NOM1: variants seen among roughly 807,000 people sequenced by gnomAD.
The protein encoded by NOM1 is nucleolar protein with MIF4G domain 1.
In NOM1, 58 loss-of-function variants were observed where a neutral mutation model predicts 73.3. The observed-to-expected ratio is 0.79, with a 90% CI of 0.64 to 0.99. The LOEUF is 0.99. Ranked by LOEUF, NOM1 falls within the 50% of genes least tolerant of loss-of-function variation. The pLI is 0.00. For synonymous variants in NOM1, 487 were observed against 446.8 expected, an observed-to-expected ratio of 1.09 and a Z score of -1.14; for missense variants, 1,226 against 1,131.9, an observed-to-expected ratio of 1.08 and a Z score of -1.19.
At position 156,952,859 on chromosome 7, in the gene NOM1, G is replaced by C. The variant is rs140524638; in HGVS notation, c.1112+261G>C. 5.3e-3 allele frequency among the ~76,000 whole-genome samples: 806 copies of C among 152,338 alleles called. 2 individuals carry two copies. The highest frequency in any genetic ancestry group is 8.4e-3 in the Non-Finnish European group (570 of 68,034). On this transcript the variant is annotated intron_variant, in intron 2 of 10. Transcript: ENST00000275820. ...GTTATTCTGAGAAGCAGGAAGGAAA[G>C]GGGCAGAGGTTCTTTGTCCGTCTAA...
intron 8 of NOM1, among the ~76,000 whole-genome samples, 158 bp from the exon 9 acceptor site, chr7:156,966,803 C>T (rs1185751186): frequency 1.3e-5 from 2 of 152,102 alleles, no homozygotes. Context: ...TGGGACTATG[C>T]TCTATAGGCA....
intron 9 of NOM1, among the ~76,000 whole-genome samples, chr7:156,967,919 A>G (rs909156290): frequency 2.0e-5 from 3 of 151,976 alleles, no homozygotes; most frequent in African/African-American, 7.2e-5. Flanking sequence ...CAAAAAAAAA[A>G]ACTGGAGCGC....
intron 9 of NOM1, among the ~76,000 whole-genome samples, chr7:156,968,143 G>A (rs930285918): frequency 9.2e-5 from 14 of 152,270 alleles, no homozygotes; most frequent in African/African-American, 3.4e-4. Flanking sequence ...CGAGCCTTAC[G>A]CCAAATCCTG....
In NOM1 at chr7:156,950,103, C is replaced by T. The variant is rs1023561146; in HGVS notation, c.366C>T (p.His122=). Residue 122 remains histidine (H), a synonymous_variant, in exon 1 of 11, where the codon CAC becomes CAT. Coordinates refer to ENST00000275820, the MANE Select transcript of NOM1 (RefSeq NM_138400.2). ...GCGGAGCCGAAGAAGCCAGCGGTCA[C>T]CGGCAGGACACGGAGGAGCGCGCCC... ...GRSGAEEASG[H]RQDTEERARP... The T allele has an allele frequency of 1.9e-6, 3 of 1,550,444 alleles. No homozygotes were observed. The highest frequency in any genetic ancestry group is 2.6e-6 in the Non-Finnish European group (3 of 1,150,282).
intron 6 of NOM1, 76 bp from the exon 7 acceptor site, chr7:156,963,829 A>C (rs779269559): frequency 3.3e-4 from 506 of 1,532,362 alleles, no homozygotes; most frequent in Non-Finnish European, 4.4e-4. Flanking sequence ...GTGACACTGA[A>C]GTACAGTTTG....
At chr7:156,963,551 G>C (rs1273544114) in intron 6 of NOM1, 4 of 380,676 alleles carry the variant, frequency 1.1e-5, no homozygotes, top group East Asian at 1.1e-4. Flanking sequence ...TTTTCATCCA[G>C]ACTTCCCTCG....
intron 2 of NOM1, 72 bp from the exon 3 acceptor site, chr7:156,954,031 A>G: frequency 7.4e-7 from 1 of 1,354,376 alleles, no homozygotes; most frequent in Non-Finnish European, 1.0e-6. Context: ...ATAACTCTTT[A>G]ATTTTTTAAA....
rs74480216 is a variant in NOM1 at position 156,970,169 on chromosome 7, A to G, written c.*466A>G. On this transcript the variant is annotated 3_prime_UTR_variant, in exon 11 of 11. Coordinates refer to ENST00000275820, the MANE Select transcript of NOM1 (RefSeq NM_138400.2). ...ATGGCACATGCTGGTAATAGCAGCTACTGAGGTGGCTGAGGCACAAGAATT... is the reference window on the plus strand; with the variant it reads ...ATGGCACATGCTGGTAATAGCAGCTGCTGAGGTGGCTGAGGCACAAGAATT... The G allele has an allele frequency of 6.6e-6, 1 of 152,314 alleles. No homozygotes were observed. The highest frequency in any genetic ancestry group is 1.5e-5 in the Non-Finnish European group (1 of 68,176). 9.4% of individuals were successfully genotyped at this position (152,314 alleles called of 1,614,324 possible). A position where few individuals can be genotyped will look rare whatever the true frequency, so the allele number is the denominator to read the frequency against.
At chr7:156,951,770 C>T (rs1196560064) in intron 1 of NOM1, among the ~76,000 whole-genome samples, 1 of 151,696 alleles carries the variant, frequency 6.6e-6, no homozygotes, top group Non-Finnish European at 1.5e-5. Context: ...TAGAGTGGTG[C>T]AGTCTCCGCC....
In NOM1 at chr7:156,952,581, A is replaced by T; in HGVS notation, c.1095A>T (p.Val365=). The change falls in exon 2 of 11, where the codon GTA becomes GTT. Residue 365 remains valine, a synonymous_variant. Coordinates refer to ENST00000275820, the MANE Select transcript of NOM1 (RefSeq NM_138400.2). The part of the protein sequence containing the change: ...KEELERLKKH[V]KGLLNRLSEP... Reference sequence around the variant, plus strand: ...AACTAGAAAGGCTGAAGAAACATGTAAAAGGTCTACTTAACAGGTGACCTT... The same window carrying T: ...AACTAGAAAGGCTGAAGAAACATGTTAAAGGTCTACTTAACAGGTGACCTT... 1 of 1,613,874 alleles carries T rather than the reference A, an allele frequency of 6.2e-7. No individual in the cohort carries two copies. Among genetic ancestry groups the T allele is most frequent in the South Asian group, 1.1e-5 (1 of 91,040 alleles).
At chr7:156,950,793 G>C in intron 1 of NOM1, 69 bp downstream of exon 1, 1 of 1,387,882 alleles carries the variant, frequency 7.2e-7, no homozygotes. Context: ...AATGGGGCGT[G>C]AGGCAGAAAT....
chr7:156,960,149 G>T lies in NOM1; in HGVS notation c.1607G>T (p.Gly536Val), dbSNP rs776149028. 2 of 1,613,436 alleles carry T rather than the reference G, an allele frequency of 1.2e-6. No homozygotes were observed. Among genetic ancestry groups the T allele is most frequent in the Admixed American group, 1.7e-5 (1 of 59,716 alleles). Residue 536 changes from glycine to valine, a missense_variant, in exon 4 of 11, where the codon GGC becomes GTC. Physicochemically the swap from Gly to Val is moderately radical, Grantham distance 109. Coordinates refer to ENST00000275820, the MANE Select transcript of NOM1 (RefSeq NM_138400.2). ...TEAQTKASGA[G>V]SEFQDQTRIR... ...GCCCAGACCAAAGCCAGCGGGGCAG[G>T]CAGCGAGTTTCAGGACCAGACCAGG...
intron 9 of NOM1, chr7:156,968,825 C>T (rs955166774): frequency 2.8e-5 from 10 of 360,640 alleles, no homozygotes; most frequent in Non-Finnish European, 3.5e-5. Context: ...GTGTATGACC[C>T]GGGAATTCCA....
intron 3 of NOM1, among the ~76,000 whole-genome samples, chr7:156,957,632 A>G (rs1275760478): frequency 1.3e-5 from 2 of 152,020 alleles, no homozygotes; most frequent in African/African-American, 4.8e-5. Context: ...AAAATTAGCC[A>G]GGCATGGTGG....
intron 6 of NOM1, 103 bp from the exon 7 acceptor site, chr7:156,963,802 C>T: frequency 1.4e-6 from 2 of 1,380,210 alleles, no homozygotes; most frequent in African/African-American, 1.4e-5. Context: ...CCCACGTAGA[C>T]CTCACAGTTC....
chr7:156,962,957 C>T lies in NOM1; in HGVS notation c.1744-51C>T, dbSNP rs776917462. 7.9e-5 allele frequency: 124 copies of T among 1,566,036 alleles called. 2 individuals carry two copies. The Middle Eastern group carries it at 1.2e-3, about 15-fold the overall frequency. On this transcript the variant is annotated intron_variant, in intron 5 of 10. Transcript: ENST00000275820. ...CAAAAAGCCACCGGTGATGGAAGGA[C>T]GGAATATGAACCAATTAAAAGCATT...
chr7:156,967,411 G>T (rs1805024897), intron 9 of NOM1, among the ~76,000 whole-genome samples: 1 of 152,208 alleles, frequency 6.6e-6, no homozygotes, highest in South Asian at 2.1e-4. Flanking sequence ...ATGAAGTAGG[G>T]CCTGGTCTCC....
intron 7 of NOM1, among the ~76,000 whole-genome samples, chr7:156,965,656 C>T (rs1428433502): frequency 6.6e-6 from 1 of 152,216 alleles, no homozygotes; most frequent in Non-Finnish European, 1.5e-5. Context: ...TGGCTCATGC[C>T]TGTAATCCCA....
At chr7:156,963,280 C>T (rs1354347181) in intron 6 of NOM1, 105 bp downstream of exon 6, 1 of 1,172,556 alleles carries the variant, frequency 8.5e-7, no homozygotes, top group Non-Finnish European at 1.3e-6. Flanking sequence ...TGAATGGTCA[C>T]TGAAATGTAC....
Sources: allele counts gnomAD v4.1 joint callset (sites outside exome capture counted in the v4.1 genomes callset), GRCh38; gene constraint gnomAD v4.1.1; transcripts MANE v1.5; gene names NCBI Gene and HGNC (gene_info 2026-07-23, HGNC 2026-07-21).